The following SLC4A10 variants were observed in gnomAD, a reference collection of about 807,000 sequenced individuals.
SLC4A10 encodes sodium-driven chloride bicarbonate exchanger.
Under a neutral mutation model 137.7 loss-of-function variants are expected in SLC4A10, and 42 were observed. The ratio of observed to expected loss-of-function variants is 0.30; its 90% CI spans 0.24 to 0.39. SLC4A10 has a LOEUF of 0.39. SLC4A10 is among the 10% of genes least tolerant of loss of function. SLC4A10 has a pLI of 1.00. For synonymous variants in SLC4A10, 474 were observed against 464.1 expected, an observed-to-expected ratio of 1.02 and a Z score of -0.27; for missense variants, 925 against 1,355.0, an observed-to-expected ratio of 0.68 and a Z score of 4.98.
chr2:161,966,477 C>A (rs577514572), intron 23 of SLC4A10, among the ~76,000 whole-genome samples: 2 of 151,854 alleles, frequency 1.3e-5, no homozygotes, highest in African/African-American at 4.8e-5. Context: ...TTGAGTCAGG[C>A]GCAGTGGCTC....
At chr2:161,952,292 C>A (rs1427810933) in intron 19 of SLC4A10, among the ~76,000 whole-genome samples, 1 of 152,168 alleles carries the variant, frequency 6.6e-6, no homozygotes, top group Non-Finnish European at 1.5e-5. Context: ...TCACATGACA[C>A]TTGCTCTTAC....
chr2:161,633,776 G>A (rs1243972334), intron 1 of SLC4A10, among the ~76,000 whole-genome samples: 1 of 151,648 alleles, frequency 6.6e-6, no homozygotes, highest in Non-Finnish European at 1.5e-5. Context: ...GTATGTCAAT[G>A]ATATAAATTG....
intron 1 of SLC4A10, among the ~76,000 whole-genome samples, chr2:161,707,423 T>C (rs1484836984): frequency 6.6e-6 from 1 of 151,374 alleles, no homozygotes. Flanking sequence ...GCACTTGGTG[T>C]CTTAATTTTG....
chr2:161,777,679 C>T (rs577301897), intron 2 of SLC4A10, among the ~76,000 whole-genome samples: 1 of 152,018 alleles, frequency 6.6e-6, no homozygotes, highest in South Asian at 2.1e-4. Context: ...ACCATCAGAT[C>T]TCCTGAGACC....
At chr2:161,630,984 C>T (rs2033442764) in intron 1 of SLC4A10, among the ~76,000 whole-genome samples, 1 of 151,648 alleles carries the variant, frequency 6.6e-6, no homozygotes, top group South Asian at 2.1e-4. Context: ...TCACATCTTC[C>T]CCTCCAATAA....
At chr2:161,971,998 G>A (rs1299029591) in intron 23 of SLC4A10, among the ~76,000 whole-genome samples, 1 of 152,174 alleles carries the variant, frequency 6.6e-6, no homozygotes, top group Non-Finnish European at 1.5e-5. Context: ...TTTGCTGTTA[G>A]ATTGAATCTT....
At chr2:161,837,200 G>A (rs1040994076) in intron 3 of SLC4A10, among the ~76,000 whole-genome samples, 11 of 152,090 alleles carry the variant, frequency 7.2e-5, no homozygotes, top group Non-Finnish European at 1.5e-4. Flanking sequence ...TCTCTACCTG[G>A]AAAATTCCGT....
intron 17 of SLC4A10, 59 bp downstream of exon 17, chr2:161,947,786 T>G: frequency 3.2e-6 from 5 of 1,547,150 alleles, no homozygotes; most frequent in Non-Finnish European, 4.4e-6. Flanking sequence ...GAAAGAGTAA[T>G]TGATGTAATA....
At chr2:161,872,239 T>A in intron 6 of SLC4A10, 54 bp from the exon 7 acceptor site, 2 of 1,379,558 alleles carry the variant, frequency 1.4e-6, no homozygotes, top group East Asian at 2.3e-5. Context: ...TCACTCAGTA[T>A]GTCTACAACT....
At chr2:161,700,660 G>A (rs890036472) in intron 1 of SLC4A10, among the ~76,000 whole-genome samples, 15 of 152,028 alleles carry the variant, frequency 9.9e-5, no homozygotes, top group African/African-American at 3.4e-4. Context: ...AATATTAACT[G>A]TATTTTACAG....
intron 15 of SLC4A10, among the ~76,000 whole-genome samples, chr2:161,939,261 G>C (rs1692206382): frequency 6.6e-6 from 1 of 151,952 alleles, no homozygotes; most frequent in South Asian, 2.1e-4. Flanking sequence ...GTTTTTAGTA[G>C]AGATGGGGTT....
intron 1 of SLC4A10, among the ~76,000 whole-genome samples, chr2:161,712,915 T>C (rs1269108472): frequency 1.3e-5 from 2 of 151,850 alleles, no homozygotes; most frequent in Non-Finnish European, 2.9e-5. Context: ...TAGAAAGAAT[T>C]GTACTGGGCA....
At chr2:161,909,088 G>C (rs1220061410) in intron 15 of SLC4A10, among the ~76,000 whole-genome samples, 1 of 110,654 alleles carries the variant, frequency 9.0e-6, no homozygotes, top group Non-Finnish European at 1.8e-5. Flanking sequence ...GTTGTGGGGT[G>C]GGGGGAGGGG....
intron 23 of SLC4A10, among the ~76,000 whole-genome samples, chr2:161,970,569 T>G (rs1262523445): frequency 1.3e-5 from 2 of 152,218 alleles, no homozygotes; most frequent in Non-Finnish European, 2.9e-5. Flanking sequence ...CTAAAATTGC[T>G]GAATATTTTC....
At chr2:161,663,482 A>G (rs573480285) in intron 1 of SLC4A10, among the ~76,000 whole-genome samples, 2 of 152,246 alleles carry the variant, frequency 1.3e-5, no homozygotes, top group Admixed American at 6.5e-5. Flanking sequence ...AGTTTTGGGT[A>G]TGATATTGTG....
intron 2 of SLC4A10, among the ~76,000 whole-genome samples, chr2:161,800,341 C>A (rs779864297): frequency 6.6e-6 from 1 of 151,966 alleles, no homozygotes; most frequent in Admixed American, 6.6e-5. Flanking sequence ...TACTTTCTAT[C>A]TATTATACTT....
chr2:161,719,778 T>C (rs1031090056), intron 1 of SLC4A10, among the ~76,000 whole-genome samples: 5 of 152,282 alleles, frequency 3.3e-5, no homozygotes, highest in Middle Eastern at 3.4e-3. Context: ...GAGTTCATTG[T>C]AGATTCTGGA....
intron 11 of SLC4A10, among the ~76,000 whole-genome samples, chr2:161,895,532 C>G (rs1321426584): frequency 6.6e-6 from 1 of 152,154 alleles, no homozygotes; most frequent in East Asian, 1.9e-4. Context: ...CCCACCAACA[C>G]TGTAAAAGTG....
At chr2:161,925,646 G>C (rs900685223) in intron 15 of SLC4A10, among the ~76,000 whole-genome samples, 2 of 151,880 alleles carry the variant, frequency 1.3e-5, no homozygotes, top group Non-Finnish European at 2.9e-5. Flanking sequence ...GTGATGTTAG[G>C]GTGTCAATTT....
Sources: allele counts gnomAD v4.1 joint callset (sites outside exome capture counted in the v4.1 genomes callset), GRCh38; gene constraint gnomAD v4.1.1; transcripts MANE v1.5; gene names NCBI Gene and HGNC (gene_info 2026-07-23, HGNC 2026-07-21).